The following PRR16 variants were observed in gnomAD, a reference collection of about 807,000 sequenced individuals.
PRR16 encodes the protein protein Largen.
A neutral mutation model predicts 18.2 loss-of-function variants in PRR16; 6 were observed. The ratio of observed to expected loss-of-function variants is 0.33; its 90% confidence interval spans 0.18 to 0.65. The LOEUF (loss-of-function observed/expected upper bound fraction) is 0.65, where lower values mean the gene tolerates loss of function less well. PRR16 is among the 30% of genes least tolerant of loss of function. The pLI is 0.74. For synonymous variants in PRR16, 151 were observed against 147.8 expected (o/e 1.02, Z -0.16); for missense variants, 412 against 376.6 (o/e 1.09, Z -0.78).
chr5:120,637,289 T>G (rs1008345581), intron 1 of PRR16, among the ~76,000 whole-genome samples: 1 of 117,494 alleles, frequency 8.5e-6, no homozygotes, highest in Non-Finnish European at 1.6e-5. Context: ...ACTAGGTATC[T>G]AGCCGGAGGA....
chr5:120,560,958 G>T (rs1752555441), intron 1 of PRR16, among the ~76,000 whole-genome samples: 1 of 152,038 alleles, frequency 6.6e-6, no homozygotes, highest in East Asian at 1.9e-4. Flanking sequence ...ATTTTCTGAA[G>T]TATCAGTTGC....
chr5:120,654,402 G>A (rs1328028613), intron 1 of PRR16, among the ~76,000 whole-genome samples: 1 of 151,760 alleles, frequency 6.6e-6, no homozygotes, highest in Non-Finnish European at 1.5e-5. Context: ...ACTAGGAGAA[G>A]ACAAAATTTA....
intron 1 of PRR16, among the ~76,000 whole-genome samples, chr5:120,510,659 A>C (rs1475698336): frequency 2.0e-5 from 3 of 152,152 alleles, no homozygotes. Flanking sequence ...GTGGGGACTT[A>C]AAAATGATTT....
intron 1 of PRR16, among the ~76,000 whole-genome samples, chr5:120,590,584 G>T (rs925895847): frequency 6.6e-6 from 1 of 152,030 alleles, no homozygotes; most frequent in Non-Finnish European, 1.5e-5. Flanking sequence ...ATCTAGAATT[G>T]TTAGAAGCTA....
chr5:120,529,028 G>A (rs753783500), intron 1 of PRR16, among the ~76,000 whole-genome samples: 3 of 151,912 alleles, frequency 2.0e-5, no homozygotes, highest in Non-Finnish European at 4.4e-5. Flanking sequence ...TTTTTTTTAT[G>A]ATTCAATTTT....
chr5:120,492,570 C>CT (rs572219908), intron 1 of PRR16, among the ~76,000 whole-genome samples: 1 of 152,010 alleles, frequency 6.6e-6, no homozygotes, highest in East Asian at 1.9e-4. Context: ...ATATGTTTTA[C>CT]TTTTTAAAAT....
intron 1 of PRR16, among the ~76,000 whole-genome samples, chr5:120,522,384 T>A (rs1751213625): frequency 6.6e-6 from 1 of 152,212 alleles, no homozygotes; most frequent in African/African-American, 2.4e-5. Flanking sequence ...TGAGATGGTA[T>A]CTCATTGTGG....
the PRR16 span, among the ~76,000 whole-genome samples, chr5:120,725,738 T>C: frequency 6.6e-6 from 1 of 152,110 alleles, no homozygotes; most frequent in Non-Finnish European, 1.5e-5. Context: ...TGTAATGTGA[T>C]AGCCTTGAGT....
the PRR16 span, chr5:120,781,115 GAATT>G: frequency 6.6e-6 from 1 of 151,918 alleles, no homozygotes; most frequent in South Asian, 2.1e-4. Context: ...TATTTCAACT[GAATT>G]AATTGGCAAA....
intron 1 of PRR16, among the ~76,000 whole-genome samples, chr5:120,549,276 AT>A (rs1752177045): frequency 6.6e-6 from 1 of 151,778 alleles, no homozygotes; most frequent in African/African-American, 2.4e-5. Flanking sequence ...TTTTGTTTTT[AT>A]TTTGTAGAGA....
the PRR16 span, among the ~76,000 whole-genome samples, chr5:120,793,329 G>A: frequency 6.6e-6 from 1 of 151,682 alleles, no homozygotes; most frequent in Non-Finnish European, 1.5e-5. Context: ...TTAAGACCCT[G>A]CCTCAGAAAA....
chr5:120,676,522 A>ATGTGTGTG (rs60138197), intron 1 of PRR16, among the ~76,000 whole-genome samples: 17 of 126,076 alleles, frequency 1.3e-4, no homozygotes, highest in Admixed American at 4.3e-4. Flanking sequence ...ATATATATAT[A>ATGTGTGTG]TGTGTGTGTG....
intron 1 of PRR16, among the ~76,000 whole-genome samples, chr5:120,486,702 T>C (rs1419737194): frequency 6.6e-6 from 1 of 152,216 alleles, no homozygotes; most frequent in Non-Finnish European, 1.5e-5. Context: ...TTTGGTGTTT[T>C]AGACATGAAG....
chr5:120,520,764 A>G (rs1050419178), intron 1 of PRR16, among the ~76,000 whole-genome samples: 9 of 152,236 alleles, frequency 5.9e-5, no homozygotes, highest in African/African-American at 1.2e-4. Context: ...GTGAGTTAAA[A>G]TGGTAGTATT....
At chr5:120,543,865 C>G (rs529147624) in intron 1 of PRR16, among the ~76,000 whole-genome samples, 1 of 152,104 alleles carries the variant, frequency 6.6e-6, no homozygotes, top group African/African-American at 2.4e-5. Flanking sequence ...TTTACTTGTC[C>G]TCTTTGAGTC....
chr5:120,498,505 A>T (rs1580651141), intron 1 of PRR16, among the ~76,000 whole-genome samples: 1 of 151,770 alleles, frequency 6.6e-6, no homozygotes, highest in South Asian at 2.1e-4. Flanking sequence ...CTCTACATAT[A>T]TGTAGAAGCG....
chr5:120,648,820 C>G (rs1200501203), intron 1 of PRR16, among the ~76,000 whole-genome samples: 1 of 152,042 alleles, frequency 6.6e-6, no homozygotes, highest in Non-Finnish European at 1.5e-5. Context: ...GTCAGTACTC[C>G]CATGGTAGCT....
At chr5:120,771,452 A>G in the PRR16 span, among the ~76,000 whole-genome samples, 1 of 152,238 alleles carries the variant, frequency 6.6e-6, no homozygotes, top group East Asian at 1.9e-4. Flanking sequence ...GGCAGTTTAC[A>G]TCATCATCCC....
the PRR16 span, among the ~76,000 whole-genome samples, chr5:120,710,241 G>A: frequency 6.6e-6 from 1 of 152,106 alleles, no homozygotes; most frequent in Non-Finnish European, 1.5e-5. Flanking sequence ...GATGATTAGT[G>A]ATGTTTAGCA....
Sources: allele counts gnomAD v4.1 joint callset (sites outside exome capture counted in the v4.1 genomes callset), GRCh38; gene constraint gnomAD v4.1.1; transcripts MANE v1.5; gene names NCBI Gene and HGNC (gene_info 2026-07-23, HGNC 2026-07-21).